The following DDAH1 variants were observed in gnomAD, a reference collection of about 807,000 sequenced individuals.
DDAH1 encodes dimethylarginine dimethylaminohydrolase 1, also known as N(G),N(G)-dimethylarginine dimethylaminohydrolase 1.
DDAH1 carries 19 observed loss-of-function variants against 28.8 expected under a neutral mutation model. That is an observed-to-expected ratio of 0.66 (90% CI 0.46 to 0.97). The LOEUF (loss-of-function observed/expected upper bound fraction) is 0.97. DDAH1 is among the 50% of genes least tolerant of loss of function. DDAH1 has a pLI of 0.00. For missense variants in DDAH1, 326 were observed against 375.9 expected, an observed-to-expected ratio of 0.87 and a Z score of 1.10; for synonymous variants, 153 against 154.4, an observed-to-expected ratio of 0.99 and a Z score of 0.07.
intron 2 of DDAH1, among the ~76,000 whole-genome samples, chr1:85,479,052 G>T (rs1375499753): frequency 1.3e-5 from 2 of 150,828 alleles, no homozygotes; most frequent in East Asian, 3.9e-4. Context: ...ACTTTATTTT[G>T]CGTTTTGCTT....
intron 1 of DDAH1, among the ~76,000 whole-genome samples, chr1:85,367,363 T>A (rs932249446): frequency 7.9e-5 from 12 of 152,166 alleles, no homozygotes; most frequent in Admixed American, 5.9e-4. Flanking sequence ...TCCCTTCCTA[T>A]GAGTAGGGTC....
At chr1:85,533,270 G>A (rs1322279786) in intron 1 of DDAH1, among the ~76,000 whole-genome samples, 1 of 152,120 alleles carries the variant, frequency 6.6e-6, no homozygotes, top group African/African-American at 2.4e-5. Context: ...TTGCTACATT[G>A]ATTTGGTTAT....
chr1:85,537,013 T>TAC (rs1658310428), intron 1 of DDAH1, among the ~76,000 whole-genome samples: 1 of 146,802 alleles, frequency 6.8e-6, no homozygotes, highest in African/African-American at 2.6e-5. Flanking sequence ...AGTGTGTATG[T>TAC]ATATATATAT....
upstream of DDAH1, among the ~76,000 whole-genome samples, chr1:85,468,928 C>T (rs1343481881): frequency 1.3e-5 from 2 of 152,184 alleles, no homozygotes; most frequent in African/African-American, 4.8e-5. Context: ...CCTGGTCCCT[C>T]CTACAATACA....
intron 2 of DDAH1, among the ~76,000 whole-genome samples, chr1:85,472,352 C>G (rs780096300): frequency 1.3e-5 from 2 of 152,196 alleles, no homozygotes; most frequent in Non-Finnish European, 2.9e-5. Flanking sequence ...GCTGTCCATA[C>G]TTTGTTAAAC....
At chr1:85,488,925 G>A (rs184234596) in intron 2 of DDAH1, among the ~76,000 whole-genome samples, 1 of 152,158 alleles carries the variant, frequency 6.6e-6, no homozygotes, top group Non-Finnish European at 1.5e-5. Context: ...AATCAAATAC[G>A]GTTGAATTTT....
intron 1 of DDAH1, chr1:85,576,823 A>G (rs1659621103): frequency 6.6e-6 from 1 of 152,588 alleles, no homozygotes; most frequent in Non-Finnish European, 1.5e-5. Context: ...ACTGGGGCCA[A>G]ACTGCCCGGG....
At chr1:85,519,924 C>T (rs1301153898) in intron 1 of DDAH1, among the ~76,000 whole-genome samples, 1 of 152,020 alleles carries the variant, frequency 6.6e-6, no homozygotes, top group Non-Finnish European at 1.5e-5. Context: ...GGGAAGACTA[C>T]AAAAAGGATA....
At chr1:85,329,574 A>G (rs1173992924) in intron 4 of DDAH1, among the ~76,000 whole-genome samples, 1 of 152,218 alleles carries the variant, frequency 6.6e-6, no homozygotes, top group Admixed American at 6.5e-5. Context: ...ACTGGGAGGA[A>G]AGGAATTATA....
chr1:85,396,597 C>T (rs1006124677), intron 1 of DDAH1, among the ~76,000 whole-genome samples: 4 of 152,144 alleles, frequency 2.6e-5, no homozygotes, highest in African/African-American at 9.7e-5. Flanking sequence ...GGACAAACAT[C>T]CAAACCACAG....
chr1:85,541,732 G>C (rs541590351), intron 1 of DDAH1, among the ~76,000 whole-genome samples: 36 of 152,256 alleles, frequency 2.4e-4, no homozygotes, highest in African/African-American at 8.7e-4. Context: ...GGGACCTTTG[G>C]GAGATGATTA....
intron 1 of DDAH1, among the ~76,000 whole-genome samples, chr1:85,437,382 T>G (rs553615122): frequency 5.4e-4 from 82 of 152,206 alleles, no homozygotes; most frequent in Non-Finnish European, 1.1e-3. Flanking sequence ...TCCATTTATA[T>G]GCAGATCTTC....
intron 1 of DDAH1, among the ~76,000 whole-genome samples, chr1:85,546,495 T>C (rs1302397761): frequency 1.3e-5 from 2 of 152,186 alleles, no homozygotes; most frequent in African/African-American, 4.8e-5. Flanking sequence ...AAGACATTAT[T>C]GTTGGCTCCT....
At chr1:85,372,249 CTGAG>C (rs914650623) in intron 1 of DDAH1, among the ~76,000 whole-genome samples, 1 of 152,114 alleles carries the variant, frequency 6.6e-6, no homozygotes, top group African/African-American at 2.4e-5. Context: ...AAAACACCAG[CTGAG>C]TATTTGGATG....
intron 1 of DDAH1, among the ~76,000 whole-genome samples, chr1:85,457,397 T>C: frequency 6.6e-6 from 1 of 152,022 alleles, no homozygotes; most frequent in East Asian, 1.9e-4. Flanking sequence ...AGGTCTGTCA[T>C]AAAATCTGCC....
intron 2 of DDAH1, among the ~76,000 whole-genome samples, chr1:85,481,137 G>A (rs1008016107): frequency 1.1e-4 from 12 of 113,638 alleles, no homozygotes; most frequent in African/African-American, 2.5e-4. Context: ...TTGCTTTGTC[G>A]CCCAAGCTGG....
In DDAH1 at chr1:85,504,537, T is replaced by A. The variant is rs188385465; in HGVS notation, c.-122-8256A>T. The stretch of plus-strand genomic sequence containing the variant: ...ATCACAGTAGCATAACCAAGCAAAC[T>A]GCAAGCAAAATATGAATATGATTGT... On this transcript the variant is annotated intron_variant, in intron 1 of 6. Transcript: ENST00000426972. Among the ~76,000 whole-genome samples, 131 of 152,254 alleles carry A rather than the reference T, an allele frequency of 8.6e-4. 1 individual carries two copies. The highest frequency in any genetic ancestry group is 3.9e-3 in the South Asian group (19 of 4,816).
intron 1 of DDAH1, among the ~76,000 whole-genome samples, chr1:85,511,745 C>G (rs1240759): frequency 0.15 from 22,229 of 152,114 alleles, 1,935 homozygotes; most frequent in South Asian, 0.25. Flanking sequence ...ACTAGAAAAT[C>G]TAGAAGAAAT....
At chr1:85,337,158 T>C (rs923867855) in intron 4 of DDAH1, among the ~76,000 whole-genome samples, 2 of 152,170 alleles carry the variant, frequency 1.3e-5, no homozygotes, top group African/African-American at 4.8e-5. Flanking sequence ...AAAATCCTCA[T>C]TCTTGTTTCT....
Sources: allele counts gnomAD v4.1 joint callset (sites outside exome capture counted in the v4.1 genomes callset), GRCh38; gene constraint gnomAD v4.1.1; transcripts MANE v1.5; gene names NCBI Gene and HGNC (gene_info 2026-07-23, HGNC 2026-07-21).